Variants in GSE1 observed in about 807,000 individuals in gnomAD.
GSE1 encodes Gse1 coiled-coil protein.
A neutral mutation model predicts 112.6 loss-of-function variants in GSE1; 32 were observed. The ratio of observed to expected loss-of-function variants is 0.28; its 90% CI spans 0.21 to 0.38. GSE1 has a LOEUF of 0.38. Ranked by LOEUF, GSE1 falls within the 10% of genes least tolerant of loss-of-function variation. The pLI, the probability that GSE1 is intolerant of heterozygous loss-of-function variation, is 1.00. For synonymous variants in GSE1, 1,115 were observed against 735.6 expected, an observed-to-expected ratio of 1.52 and a Z score of -8.35; for missense variants, 2,348 against 1,699.2, an observed-to-expected ratio of 1.38 and a Z score of -6.71.
At chr16:85,315,180 C>A (rs551138398) in intron 1 of GSE1, among the ~76,000 whole-genome samples, 1 of 149,782 alleles carries the variant, frequency 6.7e-6, no homozygotes, top group African/African-American at 2.4e-5. Flanking sequence ...GATCTTTTGA[C>A]AAGGAAGGAG....
upstream of GSE1, chr16:85,554,870 G>A (rs2045120220): frequency 1.0e-6 from 1 of 985,076 alleles, no homozygotes; most frequent in East Asian, 1.1e-4. Context: ...GCCCGCAGCC[G>A]CCCACTGTTT....
chr16:85,501,145 C>T (rs1281455772), intron 2 of GSE1, among the ~76,000 whole-genome samples: 3 of 151,622 alleles, frequency 2.0e-5, no homozygotes, highest in African/African-American at 4.8e-5. Flanking sequence ...GGACTACAGG[C>T]GCCCCCCACC....
At chr16:85,300,661 G>T (rs948730393) in intron 1 of GSE1, among the ~76,000 whole-genome samples, 1 of 152,196 alleles carries the variant, frequency 6.6e-6, no homozygotes, top group African/African-American at 2.4e-5. Flanking sequence ...GGAGTGGTCC[G>T]ACCACGTTTT....
rs1321371103 is a variant in GSE1 at position 85,674,940 on chromosome 16, G to C, written c.*2401G>C. On this transcript the variant is annotated 3_prime_UTR_variant, in exon 16 of 16. Coordinates refer to ENST00000253458, the MANE Select transcript of GSE1 (RefSeq NM_014615.5). ...TGCTCAAGAAGTAATACGACAATCA[G>C]AATACAAACCAGTAAGGCAACACGA... 2 of 152,614 alleles carry C rather than the reference G, an allele frequency of 1.3e-5. No individual in the cohort carries two copies. Among genetic ancestry groups the C allele is most frequent in the Non-Finnish European group, 2.9e-5 (2 of 68,038 alleles). The allele number at this position is 152,614 out of a possible 1,614,324, so 9.5% of individuals were successfully genotyped here.
intron 2 of GSE1, among the ~76,000 whole-genome samples, chr16:85,457,212 A>G (rs1435527085): frequency 1.3e-5 from 2 of 152,186 alleles, no homozygotes; most frequent in Non-Finnish European, 2.9e-5. Flanking sequence ...AGGAGAGTGG[A>G]AGGGCAGAGG....
intron 3 of GSE1, among the ~76,000 whole-genome samples, chr16:85,650,851 A>C (rs1188882079): frequency 6.7e-6 from 1 of 148,202 alleles, no homozygotes; most frequent in Non-Finnish European, 1.5e-5. Flanking sequence ...CGTGGGTGGC[A>C]GTTGCCGGGC....
chr16:85,230,712 G>A (rs892489105), intron 1 of GSE1, among the ~76,000 whole-genome samples: 5 of 152,232 alleles, frequency 3.3e-5, no homozygotes, highest in Admixed American at 3.3e-4. Context: ...CGGGGCACAT[G>A]CCGTGTGTAT....
At chr16:85,635,158 T>C (rs938414770) in intron 2 of GSE1, among the ~76,000 whole-genome samples, 8 of 152,230 alleles carry the variant, frequency 5.3e-5, no homozygotes, top group African/African-American at 7.2e-5. Flanking sequence ...TTCTCATTTC[T>C]GAATGTCTCC....
intron 2 of GSE1, among the ~76,000 whole-genome samples, chr16:85,546,329 C>A (rs1381193866): frequency 6.6e-6 from 1 of 152,178 alleles, no homozygotes; most frequent in African/African-American, 2.4e-5. Flanking sequence ...AAGTGATCCA[C>A]CCGCCTCAGC....
intron 1 of GSE1, among the ~76,000 whole-genome samples, chr16:85,603,523 C>T (rs1383001392): frequency 6.6e-6 from 1 of 152,190 alleles, no homozygotes; most frequent in Non-Finnish European, 1.5e-5. Context: ...TGTTTTGAGA[C>T]AGGGTCTCAC....
chr16:85,663,164 C>A, intron 10 of GSE1, 71 bp downstream of exon 10: 2 of 1,256,192 alleles, frequency 1.6e-6, no homozygotes, highest in Admixed American at 1.7e-5. Flanking sequence ...ACCCTGCAGT[C>A]CACCCCACTG....
rs117861949 is a variant in GSE1, at chr16:85,416,326, G to T, written c.2464+58683G>T. 4.3e-3 allele frequency among the ~76,000 whole-genome samples: 651 copies of T among 152,288 alleles called. 1 individual carries two copies. The highest frequency in any genetic ancestry group is 0.024 in the South Asian group (115 of 4,822). On this transcript the variant is annotated intron_variant, in intron 2 of 2. Coordinates refer to the GSE1 transcript ENST00000637419. ...CCCGGGGCCGGGAGCTGGGAGGGCC[G>T]CCTAATTTCTCAAGGTTGAATGTAT... is the stretch of plus-strand genomic sequence containing the variant.
chr16:85,535,291 C>A (rs937938238), intron 2 of GSE1, among the ~76,000 whole-genome samples: 1 of 152,242 alleles, frequency 6.6e-6, no homozygotes, highest in Non-Finnish European at 1.5e-5. Flanking sequence ...GGCATCCTTA[C>A]GGAGCCCTCG....
intron 2 of GSE1, among the ~76,000 whole-genome samples, chr16:85,508,098 G>A (rs138740739): frequency 2.0e-5 from 3 of 152,240 alleles, no homozygotes; most frequent in South Asian, 2.1e-4. Context: ...GGAGTGACTC[G>A]ATCTCGGCTC....
rs1441388178 is a variant in GSE1 at position 85,211,335 on chromosome 16, C to G, written c.2283+39528C>G. On this transcript the variant is annotated intron_variant, in intron 1 of 2. Transcript: ENST00000637419. ...TTGTTTTTTTTTTTTAAGGGAATGTCTTTCTTGCTAAGCACTTTATTATTG... is the reference window on the plus strand; with the variant it reads ...TTGTTTTTTTTTTTTAAGGGAATGTGTTTCTTGCTAAGCACTTTATTATTG... Among the ~76,000 whole-genome samples, 9 of 144,676 alleles carry G rather than the reference C, an allele frequency of 6.2e-5. No individual in the cohort carries two copies. In the East Asian group the frequency reaches 1.8e-3, roughly 30 times the overall value. 94.9% of individuals were successfully genotyped at this position (144,676 alleles called of 152,430 possible).
In GSE1 at chr16:85,225,105, CAG is replaced by C. The variant is rs1195568943; in HGVS notation, c.2283+53306_2283+53307del. On this transcript the variant is annotated intron_variant, in intron 1 of 2. Transcript: ENST00000637419. ...GAGATCGCGCCTCCAGCCTGGGTGA[CAG>C]AGAGAGATTCCCTCTTAAAAAAAAA... is the stretch of plus-strand genomic sequence containing the variant. Among the ~76,000 whole-genome samples the C allele has an allele frequency of 4.6e-5, 7 of 151,692 alleles. No individual in the cohort carries two copies. In the South Asian group the frequency reaches 8.4e-4, roughly 18 times the overall value.
At position 85,471,773 on chromosome 16, in the gene GSE1, G is replaced by A. The variant is rs576562269; in HGVS notation, c.2464+114130G>A. Among the ~76,000 whole-genome samples, 32 of 152,176 alleles carry A rather than the reference G, an allele frequency of 2.1e-4. No individual in the cohort carries two copies. The Middle Eastern group carries it at 0.01, about 49-fold the overall frequency. ...TGCCCAGGGTGGAGTACAGTGGTGT[G>A]ATCATAGCTCACTGCAGCCTTGAAC... On this transcript the variant is annotated intron_variant, in intron 2 of 2. Coordinates refer to the GSE1 transcript ENST00000637419.
chr16:85,572,936 C>T (rs911239660), intron 1 of GSE1, among the ~76,000 whole-genome samples: 1 of 152,204 alleles, frequency 6.6e-6, no homozygotes, highest in Admixed American at 6.5e-5. Context: ...GTGGCGCTGT[C>T]TCTGCTTGCT....
chr16:85,363,129 A>C (rs2047117679), intron 2 of GSE1, among the ~76,000 whole-genome samples: 1 of 152,060 alleles, frequency 6.6e-6, no homozygotes, highest in African/African-American at 2.4e-5. Flanking sequence ...GAGCCACCGC[A>C]CCCGCTGGAT....
Sources: allele counts gnomAD v4.1 joint callset (sites outside exome capture counted in the v4.1 genomes callset), GRCh38; gene constraint gnomAD v4.1.1; transcripts MANE v1.5; gene names NCBI Gene and HGNC (gene_info 2026-07-23, HGNC 2026-07-21).